Variants in PCDHA5 observed in about 807,000 individuals in gnomAD.
PCDHA5 encodes protocadherin alpha 5, also known as protocadherin alpha-5.
Under a neutral mutation model 61.6 loss-of-function variants are expected in PCDHA5, and 43 were observed. That is an observed-to-expected ratio of 0.70 (90% CI 0.55 to 0.90). The LOEUF is 0.90. PCDHA5 is among the 40% of genes least tolerant of loss of function. The probability of loss-of-function intolerance (pLI) is 0.00; values close to 1 mark genes in which losing one functional copy is unlikely to be tolerated. For missense variants in PCDHA5, 1,298 were observed against 1,222.7 expected, an observed-to-expected ratio of 1.06 and a Z score of -0.92; for synonymous variants, 627 against 543.9, an observed-to-expected ratio of 1.15 and a Z score of -2.13.
chr5:140,840,228 G>A (rs1554137738), intron 1 of PCDHA5, among the ~76,000 whole-genome samples: 1 of 152,042 alleles, frequency 6.6e-6, no homozygotes, highest in African/African-American at 2.4e-5. Flanking sequence ...ATGAGTAAAT[G>A]TGGAGAATCA....
At chr5:140,916,603 G>A (rs782815026) in intron 1 of PCDHA5, among the ~76,000 whole-genome samples, 4 of 152,152 alleles carry the variant, frequency 2.6e-5, no homozygotes, top group South Asian at 2.1e-4. Flanking sequence ...CCTGGAATGC[G>A]GGCCTCATGA....
rs541123870 is a variant in PCDHA5 at position 140,857,278 on chromosome 5, C to T, written c.2352+33151C>T. 4.4e-6 allele frequency: 7 copies of T among 1,598,684 alleles called. No individual in the cohort carries two copies. The South Asian group carries it at 7.7e-5, about 18-fold the overall frequency. On this transcript the variant is annotated intron_variant, in intron 1 of 3. Coordinates refer to ENST00000529859, the MANE Select transcript of PCDHA5 (RefSeq NM_018908.3). ...ATTACTACTCATTGGTGCTGGACAG[C>T]GCTCTGGACCGCGAGAGGGTGTCGG...
chr5:140,821,753 C>T lies in PCDHA5; in HGVS notation c.-23C>T, dbSNP rs2150110415. On this transcript the variant is annotated 5_prime_UTR_variant, in exon 1 of 4. Transcript: ENST00000529859. The stretch of plus-strand genomic sequence containing the variant: ...CATTGTGTGGTGATGCAATAGAAAG[C>T]TCATAATTGGAACGAGATTGAGATG... The T allele has an allele frequency of 2.2e-3, 3,464 of 1,581,302 alleles. 58 individuals are homozygous for T. The African/African-American group carries it at 0.039, about 18-fold the overall frequency.
chr5:140,841,085 A>G, intron 1 of PCDHA5: 1 of 553,322 alleles, frequency 1.8e-6, no homozygotes. Context: ...AAGTGCATAG[A>G]AGAACCCAGA....
intron 1 of PCDHA5, among the ~76,000 whole-genome samples, chr5:140,833,648 T>C (rs1554133916): frequency 6.6e-6 from 1 of 152,200 alleles, no homozygotes. Flanking sequence ...GTTCACATGA[T>C]ACAAATTCTT....
At chr5:140,960,823 G>A (rs370898808) in intron 1 of PCDHA5, among the ~76,000 whole-genome samples, 2 of 152,012 alleles carry the variant, frequency 1.3e-5, no homozygotes, top group East Asian at 3.9e-4. Context: ...AGTGATGAAT[G>A]GAAACTTGGA....
Position 140,838,081 on chromosome 5 carries a change from T to A in PCDHA5, c.2352+13954T>A, listed in dbSNP as rs1309951624. The stretch of plus-strand genomic sequence containing the variant: ...CACTTTAAGTTATATATATATAGTG[T>A]GTGTGTGTGTGTGTGTGTGTGTGTG... On this transcript the variant is annotated intron_variant, in intron 1 of 3. Coordinates refer to ENST00000529859, the MANE Select transcript of PCDHA5 (RefSeq NM_018908.3). Among the ~76,000 whole-genome samples, 2 of 13,360 alleles carry A rather than the reference T, an allele frequency of 1.5e-4. 1 individual carries two copies. Among genetic ancestry groups the A allele is most frequent in the South Asian group, 5.1e-3 (2 of 390 alleles). 8.8% of individuals were successfully genotyped at this position (13,360 alleles called of 152,430 possible).
intron 1 of PCDHA5, chr5:140,927,902 C>T (rs782319959): frequency 1.5e-5 from 25 of 1,614,182 alleles, no homozygotes; most frequent in Non-Finnish European, 2.1e-5. Flanking sequence ...AACGATCATG[C>T]CCCCGAACTG....
At chr5:140,988,267 C>T (rs1204961254) in intron 3 of PCDHA5, among the ~76,000 whole-genome samples, 1 of 152,146 alleles carries the variant, frequency 6.6e-6, no homozygotes, top group Non-Finnish European at 1.5e-5. Flanking sequence ...GAGTATCCTT[C>T]GCTGTCACCT....
intron 1 of PCDHA5, among the ~76,000 whole-genome samples, chr5:140,827,126 A>G (rs1769190900): frequency 6.6e-6 from 1 of 152,226 alleles, no homozygotes; most frequent in Admixed American, 6.5e-5. Flanking sequence ...TGACAATTAG[A>G]AACATAGAAA....
chr5:140,886,689 G>T (rs1267444522), intron 1 of PCDHA5, among the ~76,000 whole-genome samples: 1 of 152,022 alleles, frequency 6.6e-6, no homozygotes, highest in Admixed American at 6.5e-5. Context: ...AGCGAGGCAT[G>T]GTGGCACGCG....
At chr5:140,842,541 T>A in intron 1 of PCDHA5, 1 of 1,609,746 alleles carries the variant, frequency 6.2e-7, no homozygotes. Context: ...TACTACTCGT[T>A]GGTGCTGGAC....
intron 1 of PCDHA5, chr5:140,877,364 T>A: frequency 6.2e-7 from 1 of 1,613,948 alleles, no homozygotes; most frequent in Non-Finnish European, 8.5e-7. Context: ...ACTGGCGAGA[T>A]CAGCACGACA....
intron 1 of PCDHA5, chr5:140,851,226 A>G (rs2041995732): frequency 3.5e-6 from 4 of 1,139,724 alleles, no homozygotes; most frequent in Non-Finnish European, 4.5e-6. Context: ...CATCACTATC[A>G]TTTATTTATT....
chr5:140,825,623 T>G (rs911523247), intron 1 of PCDHA5: 1 of 151,926 alleles, frequency 6.6e-6, no homozygotes, highest in African/African-American at 2.4e-5. Flanking sequence ...GGTTTCACCA[T>G]GTTGGTCATG....
rs1554263662 is a variant in PCDHA5 at position 141,011,810 on chromosome 5, G to A, written c.*1873G>A. The A allele has an allele frequency of 6.5e-6, 1 of 153,716 alleles. No individual in the cohort carries two copies. The highest frequency in any genetic ancestry group is 1.9e-4 in the East Asian group (1 of 5,198). 9.5% of individuals were successfully genotyped at this position (153,716 alleles called of 1,614,324 possible). ...ATGGTATCTGAAATATCAGCTCATA[G>A]AAAGTAACAAAATTTGCTGTCACCT... On this transcript the variant is annotated 3_prime_UTR_variant, in exon 4 of 4. Coordinates refer to ENST00000529859, the MANE Select transcript of PCDHA5 (RefSeq NM_018908.3).
In PCDHA5 at chr5:140,964,167, C is replaced by T. The variant is rs370784169; in HGVS notation, c.2353-14782C>T. Reference sequence around the variant, plus strand: ...AGCCTCAGTATAATGGTGTGAGGAACGAAATCATTATAGTGCCAAATAGAG... The same window carrying T: ...AGCCTCAGTATAATGGTGTGAGGAATGAAATCATTATAGTGCCAAATAGAG... On this transcript the variant is annotated intron_variant, in intron 1 of 3. Coordinates refer to ENST00000529859, the MANE Select transcript of PCDHA5 (RefSeq NM_018908.3). Among the ~76,000 whole-genome samples, 16 of 152,250 alleles carry T rather than the reference C, an allele frequency of 1.1e-4. 1 individual carries two copies. The highest frequency in any genetic ancestry group is 3.4e-4 in the African/African-American group (14 of 41,544).
At chr5:140,869,044 C>T (rs2050811433) in intron 1 of PCDHA5, 1 of 1,530,006 alleles carries the variant, frequency 6.5e-7, no homozygotes, top group Non-Finnish European at 8.8e-7. Flanking sequence ...TAACCTGAAA[C>T]TGAAGAATCT....
intron 1 of PCDHA5, chr5:140,883,431 C>T: frequency 6.2e-7 from 1 of 1,614,172 alleles, no homozygotes. Flanking sequence ...GTCACCTGCA[C>T]CTTGACGCCG....
Sources: allele counts gnomAD v4.1 joint callset (sites outside exome capture counted in the v4.1 genomes callset), GRCh38; gene constraint gnomAD v4.1.1; transcripts MANE v1.5; gene names NCBI Gene and HGNC (gene_info 2026-07-23, HGNC 2026-07-21).